VPS8: variants seen among roughly 807,000 people sequenced by gnomAD.
The protein encoded by VPS8 is VPS8 subunit of CORVET complex, also known as vacuolar protein sorting-associated protein 8 homolog.
In VPS8, 129 loss-of-function variants were observed where a neutral mutation model predicts 216.4. The observed-to-expected ratio is 0.60, with a 90% CI of 0.52 to 0.69. The LOEUF is 0.69. Ranked by LOEUF, VPS8 falls within the 30% of genes least tolerant of loss-of-function variation. VPS8 has a pLI of 0.00. For missense variants in VPS8, 1,531 were observed against 1,683.5 expected (o/e 0.91, Z 1.59); for synonymous variants, 571 against 565.4 (o/e 1.01, Z -0.14).
chr3:185,003,215 G>A (rs1370214668), intron 45 of VPS8, among the ~76,000 whole-genome samples: 38 of 134,652 alleles, frequency 2.8e-4, no homozygotes, highest in African/African-American at 9.1e-4. Context: ...GGATTTGGCA[G>A]GGTCATAGGA....
At chr3:184,872,474 C>T (rs572242538) in intron 21 of VPS8, among the ~76,000 whole-genome samples, 2 of 152,088 alleles carry the variant, frequency 1.3e-5, no homozygotes, top group East Asian at 3.9e-4. Context: ...GACTGCAGAA[C>T]GTACAGAGAT....
At chr3:185,019,478 G>T (rs996117693) in intron 45 of VPS8, among the ~76,000 whole-genome samples, 1 of 152,178 alleles carries the variant, frequency 6.6e-6, no homozygotes, top group African/African-American at 2.4e-5. Context: ...GATAAGCATT[G>T]TTTCTATAAA....
chr3:184,990,318 T>A (rs1194481378), intron 42 of VPS8, among the ~76,000 whole-genome samples: 1 of 152,172 alleles, frequency 6.6e-6, no homozygotes, highest in Non-Finnish European at 1.5e-5. Flanking sequence ...ATATAAACTC[T>A]TTTTGAGCCC....
chr3:184,908,574 T>A (rs1442071228), intron 25 of VPS8, among the ~76,000 whole-genome samples: 1 of 152,226 alleles, frequency 6.6e-6, no homozygotes, highest in Non-Finnish European at 1.5e-5. Context: ...GACGGCAGCA[T>A]GTTAGCAGCT....
intron 45 of VPS8, among the ~76,000 whole-genome samples, chr3:185,017,518 C>A (rs1178129186): frequency 1.3e-5 from 2 of 152,218 alleles, no homozygotes; most frequent in Non-Finnish European, 2.9e-5. Context: ...TGTCCTGGCT[C>A]TGCTTTCCAG....
intron 21 of VPS8, among the ~76,000 whole-genome samples, chr3:184,877,696 C>G (rs886598594): frequency 1.3e-5 from 2 of 152,176 alleles, no homozygotes; most frequent in African/African-American, 4.8e-5. Flanking sequence ...CTGCCTGGCT[C>G]AGGAGCCTCG....
At chr3:184,947,003 G>A (rs1384028757) in intron 36 of VPS8, among the ~76,000 whole-genome samples, 1 of 152,066 alleles carries the variant, frequency 6.6e-6, no homozygotes, top group Non-Finnish European at 1.5e-5. Flanking sequence ...TAGAGGCTTT[G>A]CTTAAACAGT....
chr3:185,022,911 T>C (rs945726080), intron 45 of VPS8, among the ~76,000 whole-genome samples: 2 of 152,222 alleles, frequency 1.3e-5, no homozygotes, highest in African/African-American at 4.8e-5. Flanking sequence ...CCTTTCTTAT[T>C]TTCCAATATA....
At chr3:184,875,128 G>A (rs114460971) in intron 21 of VPS8, among the ~76,000 whole-genome samples, 2,634 of 130,800 alleles carry the variant, frequency 0.02, 85 homozygotes, top group African/African-American at 0.071. Context: ...AGCTATTATT[G>A]GAGACATAAG....
In VPS8 at chr3:185,048,458, GTA is replaced by G; in HGVS notation, c.4057-19_4057-18del. On this transcript the variant is annotated intron_variant, in intron 46 of 47. Transcript: ENST00000625842. ...GCCTAGCCACGTGATGTTGTTAATCGTATCGGTTTTTATTTTTCAGGGAACCT... is the reference window on the plus strand; with the variant it reads ...GCCTAGCCACGTGATGTTGTTAATCGTCGGTTTTTATTTTTCAGGGAACCT... 2 of 1,613,292 alleles carry G rather than the reference GTA, an allele frequency of 1.2e-6. No individual in the cohort carries two copies. The highest frequency in any genetic ancestry group is 2.2e-5 in the East Asian group (1 of 44,884).
intron 22 of VPS8, chr3:184,893,257 A>C: frequency 7.8e-7 from 1 of 1,287,716 alleles, no homozygotes; most frequent in Middle Eastern, 2.1e-4. Flanking sequence ...TCAAAACCCC[A>C]TCCTAGTCCT....
In VPS8 at chr3:184,931,589, T is replaced by C. The variant is rs186629154; in HGVS notation, c.2898+1021T>C. 3.7e-3 allele frequency among the ~76,000 whole-genome samples: 566 copies of C among 152,306 alleles called. 3 individuals are homozygous for C. Among genetic ancestry groups the C allele is most frequent in the Admixed American group, 6.3e-3 (96 of 15,296 alleles). On this transcript the variant is annotated intron_variant, in intron 34 of 47. Coordinates refer to ENST00000625842, the MANE Select transcript of VPS8 (RefSeq NM_001009921.3). The stretch of plus-strand genomic sequence containing the variant: ...ATCAGAGGTGTGAACAACATCTTCT[T>C]GTGAAATAACTGGCACGAAAGGTAG...
intron 23 of VPS8, 46 bp downstream of exon 23, chr3:184,894,971 C>T (rs1560566435): frequency 6.7e-7 from 1 of 1,483,738 alleles, no homozygotes; most frequent in Admixed American, 2.0e-5. Flanking sequence ...AACTTCATTC[C>T]TTTATTGATA....
At chr3:184,994,299 T>G (rs1234878052) in intron 43 of VPS8, among the ~76,000 whole-genome samples, 3 of 152,002 alleles carry the variant, frequency 2.0e-5, no homozygotes, top group Non-Finnish European at 4.4e-5. Flanking sequence ...GCCAGGAGTT[T>G]GAGACCAGTC....
At chr3:185,040,586 A>G (rs1429747519) in intron 46 of VPS8, among the ~76,000 whole-genome samples, 1 of 152,132 alleles carries the variant, frequency 6.6e-6, no homozygotes, top group African/African-American at 2.4e-5. Context: ...CTTGAGTATT[A>G]CCATTGTACT....
chr3:185,052,605 T>C (rs1173719682), downstream of VPS8: 2 of 131,492 alleles, frequency 1.5e-5, no homozygotes, highest in African/African-American at 2.9e-5. Context: ...GTTTAAGTTC[T>C]GCAGGTCTCC....
intron 20 of VPS8, among the ~76,000 whole-genome samples, chr3:184,870,310 A>G (rs1216602612): frequency 6.6e-6 from 1 of 152,122 alleles, no homozygotes; most frequent in Non-Finnish European, 1.5e-5. Flanking sequence ...GTGTAAATGC[A>G]TTGGTAAAAA....
At chr3:184,829,431 G>C (rs1419129794) in intron 3 of VPS8, among the ~76,000 whole-genome samples, 1 of 152,144 alleles carries the variant, frequency 6.6e-6, no homozygotes, top group Non-Finnish European at 1.5e-5. Flanking sequence ...GGCCAGGCTG[G>C]TCTCGAACTC....
At chr3:184,991,427 A>G (rs1459284859) in intron 42 of VPS8, among the ~76,000 whole-genome samples, 1 of 152,164 alleles carries the variant, frequency 6.6e-6, no homozygotes, top group African/African-American at 2.4e-5. Context: ...GCATTCTATA[A>G]TTTATATGTT....
Sources: allele counts gnomAD v4.1 joint callset (sites outside exome capture counted in the v4.1 genomes callset), GRCh38; gene constraint gnomAD v4.1.1; transcripts MANE v1.5; gene names NCBI Gene and HGNC (gene_info 2026-07-23, HGNC 2026-07-21).